The following ABCC8 variants were observed in gnomAD, a reference collection of about 807,000 sequenced individuals.
ABCC8 encodes ATP binding cassette subfamily C member 8.
In ABCC8, 137 loss-of-function variants were observed where a neutral mutation model predicts 188.0. The ratio of observed to expected loss-of-function variants is 0.73; its 90% confidence interval spans 0.63 to 0.84. The LOEUF (loss-of-function observed/expected upper bound fraction) is 0.84, where lower values mean the gene tolerates loss of function less well. ABCC8 is among the 40% of genes least tolerant of loss of function. The pLI is 0.00. For missense variants in ABCC8, 1,750 were observed against 2,072.7 expected, an observed-to-expected ratio of 0.84 and a Z score of 3.02; for synonymous variants, 797 against 846.5, an observed-to-expected ratio of 0.94 and a Z score of 1.01.
intron 38 of ABCC8, 111 bp from the exon 39 acceptor site, chr11:17,393,239 G>C: frequency 6.9e-7 from 1 of 1,442,116 alleles, no homozygotes; most frequent in Non-Finnish European, 9.5e-7. Flanking sequence ...GAGGCATGTG[G>C]CCAGAATGTC....
At chr11:17,435,804 A>T (rs1956069166) in intron 10 of ABCC8, 2 of 1,292,178 alleles carry the variant, frequency 1.5e-6, no homozygotes, top group African/African-American at 2.9e-5. Context: ...TCCAGATATG[A>T]TACATGAGAG....
At chr11:17,402,595 T>C in intron 29 of ABCC8, 66 bp downstream of exon 29, 2 of 1,613,876 alleles carry the variant, frequency 1.2e-6, no homozygotes, top group Non-Finnish European at 1.7e-6. Context: ...GAATCAAATC[T>C]CATGGCCTGT....
chr11:17,432,296 C>T (rs1482185963), intron 10 of ABCC8, 52 bp from the exon 11 acceptor site: 2 of 1,551,634 alleles, frequency 1.3e-6, no homozygotes, highest in Non-Finnish European at 8.7e-7. Flanking sequence ...GACAGCTACA[C>T]ATGGAGATGC....
chr11:17,464,286 C>T (rs1376621830), intron 3 of ABCC8, among the ~76,000 whole-genome samples: 1 of 152,216 alleles, frequency 6.6e-6, no homozygotes, highest in Non-Finnish European at 1.5e-5. Context: ...GCCTGGATCC[C>T]TGTCCTCACA....
At chr11:17,410,390 T>G in intron 22 of ABCC8, 126 bp downstream of exon 22, 1 of 1,093,812 alleles carries the variant, frequency 9.1e-7, no homozygotes, top group Non-Finnish European at 1.4e-6. Context: ...AGCCATCCAG[T>G]GCTGGTCTCT....
At chr11:17,451,942 C>A (rs558804950) in intron 7 of ABCC8, among the ~76,000 whole-genome samples, 98 of 152,320 alleles carry the variant, frequency 6.4e-4, no homozygotes, top group African/African-American at 2.2e-3. Context: ...AATATAGTGG[C>A]AGTTTCAATA....
rs1800852 is a variant in ABCC8, at chr11:17,414,644, A to G, written c.2292-34T>C. 281,141 of 1,612,848 alleles carry G rather than the reference A, an allele frequency of 0.17. 28,405 individuals are homozygous for G. Among genetic ancestry groups the G allele is most frequent in the African/African-American group, 0.35 (26,375 of 74,930 alleles). On this transcript the variant is annotated intron_variant, in intron 18 of 38. Coordinates refer to ENST00000389817, the MANE Select transcript of ABCC8 (RefSeq NM_000352.6). ...AGCAGGGCGGGAGTAGGGGGTGCGG[A>G]AGGCATTCTCAGGGGCTTGTTCTCA...
At chr11:17,464,509 G>A (rs560524713) in intron 3 of ABCC8, among the ~76,000 whole-genome samples, 2 of 152,286 alleles carry the variant, frequency 1.3e-5, no homozygotes, top group South Asian at 4.1e-4. Flanking sequence ...CCATTAAGTG[G>A]GAATCATAAT....
intron 26 of ABCC8, 200 bp downstream of exon 26, chr11:17,406,422 C>T (rs1954526268): frequency 3.3e-6 from 2 of 612,970 alleles, no homozygotes; most frequent in Admixed American, 2.9e-5. Context: ...CACACAATGC[C>T]TATCACAGTA....
chr11:17,411,612 T>C (rs1376929789), intron 21 of ABCC8, among the ~76,000 whole-genome samples: 1 of 152,184 alleles, frequency 6.6e-6, no homozygotes, highest in Admixed American at 6.5e-5. Context: ...TCTTTCCTTC[T>C]GTTTAATTGA....
At chr11:17,422,182 A>G (rs1955376505) in intron 16 of ABCC8, among the ~76,000 whole-genome samples, 1 of 152,164 alleles carries the variant, frequency 6.6e-6, no homozygotes, top group African/African-American at 2.4e-5. Context: ...AATGCCCAGG[A>G]TAGGTGGGCC....
At chr11:17,452,527 G>C (rs1006785791) in intron 7 of ABCC8, among the ~76,000 whole-genome samples, 2 of 152,158 alleles carry the variant, frequency 1.3e-5, no homozygotes, top group Non-Finnish European at 2.9e-5. Context: ...GTTCACAATA[G>C]GGTTCGCACT....
intron 8 of ABCC8, among the ~76,000 whole-genome samples, chr11:17,445,975 T>C (rs1956512468): frequency 6.6e-6 from 1 of 151,346 alleles, no homozygotes; most frequent in African/African-American, 2.4e-5. Flanking sequence ...TCTTTTTTTT[T>C]TTTTTTTTTA....
At chr11:17,466,637 G>C (rs889377575) in intron 3 of ABCC8, among the ~76,000 whole-genome samples, 15 of 151,834 alleles carry the variant, frequency 9.9e-5, no homozygotes, top group African/African-American at 3.6e-4. Flanking sequence ...CTTTTTTTGA[G>C]ACAGGGTCTC....
Position 17,407,143 on chromosome 11 carries a change from G to A in ABCC8, c.2921-14C>T. 6.2e-7 allele frequency: 1 copy of A among 1,608,400 alleles called. No homozygotes were observed. Among genetic ancestry groups the A allele is most frequent in the South Asian group, 1.1e-5 (1 of 90,686 alleles). On this transcript the variant is annotated splice_polypyrimidine_tract_variant and intron_variant, in intron 24 of 38. Transcript: ENST00000389817. ...CAGCTGCCTCCTCTGCAGGCCGCAA[G>A]AACCCACTCTGTGGCTACACATTTC...
chr11:17,415,640 A>G (rs1231136459), intron 17 of ABCC8, among the ~76,000 whole-genome samples: 1 of 152,198 alleles, frequency 6.6e-6, no homozygotes, highest in Non-Finnish European at 1.5e-5. Flanking sequence ...GATCAGGAGT[A>G]TGAAGCCCGC....
In ABCC8 at chr11:17,395,947, A is replaced by G. The variant is rs764800628; in HGVS notation, c.4120-17T>C. The G allele has an allele frequency of 1.3e-6, 2 of 1,562,412 alleles. No homozygotes were observed. The highest frequency in any genetic ancestry group is 8.7e-7 in the Non-Finnish European group (1 of 1,151,728). On this transcript the variant is annotated splice_polypyrimidine_tract_variant and intron_variant, in intron 33 of 38. Coordinates refer to ENST00000389817, the MANE Select transcript of ABCC8 (RefSeq NM_000352.6). ...GATCCCGATCTGGAAAGAGAGAAGC[A>G]GGCACCGCCACTGGGACTCTGGGGC...
intron 11 of ABCC8, 81 bp downstream of exon 11, chr11:17,432,123 G>A: frequency 6.5e-7 from 1 of 1,531,380 alleles, no homozygotes; most frequent in South Asian, 1.2e-5. Context: ...TGTGCAGAAA[G>A]GCCAAATCTG....
chr11:17,464,494 C>G (rs188372101), intron 3 of ABCC8, among the ~76,000 whole-genome samples: 1 of 152,334 alleles, frequency 6.6e-6, no homozygotes, highest in Non-Finnish European at 1.5e-5. Context: ...GCTTAGTTTC[C>G]TCATCCATTA....
Sources: gnomAD v4.1 joint callset for allele counts (sites outside exome capture counted in the v4.1 genomes callset) on GRCh38, gnomAD v4.1.1 for gene constraint, MANE v1.5 for transcripts, NCBI Gene and HGNC (gene_info 2026-07-23, HGNC 2026-07-21) for gene names.